Variants in VWA8 observed in about 807,000 individuals in gnomAD.
VWA8 encodes the protein von Willebrand factor A domain-containing protein 8.
In VWA8, 221 loss-of-function variants were observed where a neutral mutation model predicts 241.5. The ratio of observed to expected loss-of-function variants is 0.91; its 90% CI spans 0.82 to 1.02. VWA8 has a LOEUF of 1.02. Ranked by LOEUF, VWA8 falls within the 50% of genes least tolerant of loss-of-function variation. VWA8 has a pLI of 0.00. For synonymous variants in VWA8, 852 were observed against 827.1 expected, an observed-to-expected ratio of 1.03 and a Z score of -0.52; for missense variants, 2,322 against 2,328.7, an observed-to-expected ratio of 1.00 and a Z score of 0.06.
At chr13:41,703,675 T>C (rs2045264857) in intron 26 of VWA8, among the ~76,000 whole-genome samples, 1 of 152,172 alleles carries the variant, frequency 6.6e-6, no homozygotes, top group Non-Finnish European at 1.5e-5. Flanking sequence ...TTGATTTACA[T>C]ACATACTCCT....
At chr13:41,796,007 T>C (rs1422801306) in intron 17 of VWA8, among the ~76,000 whole-genome samples, 1 of 152,188 alleles carries the variant, frequency 6.6e-6, no homozygotes, top group Admixed American at 6.6e-5. Flanking sequence ...TGATTCATTC[T>C]AGGATCACAA....
chr13:41,716,701 C>T (rs2045350049), intron 26 of VWA8, among the ~76,000 whole-genome samples: 1 of 151,994 alleles, frequency 6.6e-6, no homozygotes, highest in African/African-American at 2.4e-5. Flanking sequence ...ATAAGCACTG[C>T]GGTTGGATTA....
At chr13:41,898,161 T>C (rs1216768539) in intron 4 of VWA8, among the ~76,000 whole-genome samples, 1 of 146,814 alleles carries the variant, frequency 6.8e-6, no homozygotes, top group Non-Finnish European at 1.5e-5. Flanking sequence ...TGAGTGCCGA[T>C]TGGTGTATTT....
intron 37 of VWA8, among the ~76,000 whole-genome samples, chr13:41,661,181 T>C (rs2044947792): frequency 6.6e-6 from 1 of 152,180 alleles, no homozygotes; most frequent in Non-Finnish European, 1.5e-5. Flanking sequence ...CAGTTTTCTG[T>C]TATCAATTAA....
At chr13:41,958,925 C>G (rs768669821) in intron 1 of VWA8, among the ~76,000 whole-genome samples, 1 of 152,192 alleles carries the variant, frequency 6.6e-6, no homozygotes. Context: ...GTATATAATA[C>G]AGACTTTAAA....
chr13:41,688,210 T>C (rs1434766458), intron 34 of VWA8, among the ~76,000 whole-genome samples: 2 of 152,094 alleles, frequency 1.3e-5, no homozygotes, highest in Non-Finnish European at 2.9e-5. Context: ...ACATTATCCA[T>C]TGAGTTTTAG....
At position 41,960,838 on chromosome 13, in the gene VWA8, C is replaced by T; in HGVS notation, c.163+15G>A. Reference sequence around the variant, plus strand: ...GCAGGGGCACCAGGGAGGACAGGGGCGCACCCCGAGTTACCTGTGTCGGCC... The same window carrying T: ...GCAGGGGCACCAGGGAGGACAGGGGTGCACCCCGAGTTACCTGTGTCGGCC... On this transcript the variant is annotated intron_variant, in intron 1 of 44. Transcript: ENST00000379310. 4 of 1,515,082 alleles carry T rather than the reference C, an allele frequency of 2.6e-6. No individual in the cohort carries two copies. Among genetic ancestry groups the T allele is most frequent in the East Asian group, 2.7e-5 (1 of 37,682 alleles). 93.9% of individuals were successfully genotyped at this position (1,515,082 alleles called of 1,614,324 possible).
chr13:41,784,737 C>CAAACATATATAT (rs1191810226), intron 18 of VWA8, among the ~76,000 whole-genome samples: 1 of 72,562 alleles, frequency 1.4e-5, no homozygotes, highest in African/African-American at 4.5e-5. Context: ...TATACACACA[C>CAAACATATATAT]ATATATATAT....
intron 12 of VWA8, among the ~76,000 whole-genome samples, chr13:41,841,898 A>G (rs1363413122): frequency 7.4e-6 from 1 of 135,120 alleles, no homozygotes; most frequent in Non-Finnish European, 1.6e-5. Context: ...ATTGGGGTAA[A>G]TAAGCACTAA....
intron 9 of VWA8, among the ~76,000 whole-genome samples, chr13:41,879,782 T>C (rs1874082201): frequency 6.6e-6 from 1 of 152,090 alleles, no homozygotes; most frequent in South Asian, 2.1e-4. Flanking sequence ...CCTGGGTAGA[T>C]TTGAAGATAA....
intron 12 of VWA8, among the ~76,000 whole-genome samples, chr13:41,857,508 AC>A (rs1183541310): frequency 6.6e-6 from 1 of 152,172 alleles, no homozygotes; most frequent in Non-Finnish European, 1.5e-5. Context: ...GCTTATTAGT[AC>A]CCTGATGAAA....
intron 2 of VWA8, among the ~76,000 whole-genome samples, chr13:41,943,469 G>C (rs1877691248): frequency 6.6e-6 from 1 of 152,034 alleles, no homozygotes; most frequent in Non-Finnish European, 1.5e-5. Flanking sequence ...TACAGTCTTG[G>C]TGTAGGCCAA....
chr13:41,867,363 T>C (rs1198456053), intron 10 of VWA8, among the ~76,000 whole-genome samples: 1 of 152,178 alleles, frequency 6.6e-6, no homozygotes, highest in Non-Finnish European at 1.5e-5. Context: ...CTCGTCTGCC[T>C]CTATCCTAAA....
Position 41,611,721 on chromosome 13 carries a change from T to C in VWA8, c.4732A>G (p.Thr1578Ala). Residue 1578 changes from threonine to alanine, a missense_variant, in exon 39 of 45, where the codon ACG (threonine) becomes GCG (alanine). Physicochemically the swap from Thr to Ala is moderately conservative, Grantham distance 58. Transcript: ENST00000379310. ...CCTCCTTTGCCACCCAGGCCTGCCG[T>C]GTCTCTTCCCCCTGGAAGGAAAACG... ...TWAGGTGGRDTAGLGGKGGPY... is the reference protein window; with the variant it reads ...TWAGGTGGRDAAGLGGKGGPY... 1 of 1,613,924 alleles carries C rather than the reference T, an allele frequency of 6.2e-7. No homozygotes were observed.
intron 37 of VWA8, among the ~76,000 whole-genome samples, chr13:41,622,533 A>G (rs1018248494): frequency 3.9e-5 from 6 of 152,230 alleles, no homozygotes; most frequent in African/African-American, 1.2e-4. Context: ...GGCCCCTTAT[A>G]ACTTTTGATG....
chr13:41,815,055 T>TGACC (rs1442053453), intron 16 of VWA8, among the ~76,000 whole-genome samples: 1 of 152,120 alleles, frequency 6.6e-6, no homozygotes, highest in Non-Finnish European at 1.5e-5. Flanking sequence ...ACAGAAAAGG[T>TGACC]GACCACCTGA....
At chr13:41,895,530 G>A (rs530269936) in intron 4 of VWA8, among the ~76,000 whole-genome samples, 3 of 152,236 alleles carry the variant, frequency 2.0e-5, no homozygotes, top group African/African-American at 4.8e-5. Flanking sequence ...TCATACAGCA[G>A]TGCAATCTGC....
chr13:41,811,292 A>C lies in VWA8; in HGVS notation c.1996T>G (p.Ser666Ala), dbSNP rs1593788275. The C allele has an allele frequency of 9.3e-6, 15 of 1,611,122 alleles. No homozygotes were observed. The highest frequency in any genetic ancestry group is 1.3e-5 in the Non-Finnish European group (15 of 1,177,798). The change falls in exon 17 of 45, where the codon TCT becomes GCT. Residue 666 changes from serine to alanine, a missense_variant. Physicochemically the swap from Ser to Ala is moderately conservative, Grantham distance 99. Coordinates refer to ENST00000379310, the MANE Select transcript of VWA8 (RefSeq NM_015058.2). The part of the protein sequence containing the change: ...SLSTRQLLRI[S>A]RRLSQYPNEN... ...TTAGGATACTGTGACAGCCGACGAG[A>C]AATTCGCAACAGTTGTCTGGTAGAA...
At chr13:41,778,728 TAGC>T (rs1029474471) in intron 19 of VWA8, among the ~76,000 whole-genome samples, 9 of 151,624 alleles carry the variant, frequency 5.9e-5, no homozygotes, top group Non-Finnish European at 8.8e-5. Context: ...CTGTATCAAA[TAGC>T]AGCTAAATAA....
Sources: allele counts gnomAD v4.1 joint callset (sites outside exome capture counted in the v4.1 genomes callset), GRCh38; gene constraint gnomAD v4.1.1; transcripts MANE v1.5; gene names NCBI Gene and HGNC (gene_info 2026-07-23, HGNC 2026-07-21).